Variants in DYNC1I1 observed in about 807,000 individuals in gnomAD.
The protein encoded by DYNC1I1 is cytoplasmic dynein 1 intermediate chain 1.
A neutral mutation model predicts 86.6 loss-of-function variants in DYNC1I1; 43 were observed. The ratio of observed to expected loss-of-function variants is 0.50; its 90% CI spans 0.39 to 0.64. DYNC1I1 has a LOEUF of 0.64. Among genes scored for constraint, DYNC1I1 ranks in the 30% least tolerant of loss-of-function variants. DYNC1I1 has a pLI of 0.00. For missense variants in DYNC1I1, 604 were observed against 788.8 expected, an observed-to-expected ratio of 0.77 and a Z score of 2.81; for synonymous variants, 262 against 283.7, an observed-to-expected ratio of 0.92 and a Z score of 0.77.
intron 5 of DYNC1I1, among the ~76,000 whole-genome samples, chr7:95,849,544 T>C (rs1020168932): frequency 4.6e-5 from 7 of 151,880 alleles, no homozygotes; most frequent in Non-Finnish European, 8.8e-5. Flanking sequence ...GTAGATTTAT[T>C]TGTGGGCTCT....
At chr7:96,035,896 G>A in intron 13 of DYNC1I1, 144 bp downstream of exon 13, 1 of 1,350,804 alleles carries the variant, frequency 7.4e-7, no homozygotes, top group Middle Eastern at 2.1e-4. Flanking sequence ...TTATCTTAAA[G>A]AGCTGCATCT....
intron 11 of DYNC1I1, among the ~76,000 whole-genome samples, chr7:96,031,458 C>G (rs1794805276): frequency 6.6e-6 from 1 of 152,120 alleles, no homozygotes; most frequent in Non-Finnish European, 1.5e-5. Flanking sequence ...TCTCCTTGAA[C>G]TTTCTTTATC....
intron 6 of DYNC1I1, among the ~76,000 whole-genome samples, chr7:95,941,732 A>G (rs533692753): frequency 6.6e-6 from 1 of 152,294 alleles, no homozygotes; most frequent in South Asian, 2.1e-4. Context: ...AGGAAAGGGA[A>G]CTTCCTGACC....
chr7:95,897,187 A>G (rs1790904152), intron 6 of DYNC1I1, among the ~76,000 whole-genome samples: 1 of 152,326 alleles, frequency 6.6e-6, no homozygotes, highest in Admixed American at 6.5e-5. Flanking sequence ...GGTCATTAAC[A>G]TCTATCCCCA....
chr7:95,993,624 A>G (rs905776487), intron 9 of DYNC1I1, among the ~76,000 whole-genome samples: 56 of 152,202 alleles, frequency 3.7e-4, no homozygotes, highest in African/African-American at 1.3e-3. Flanking sequence ...TTTTTAATAA[A>G]GAATGATTAC....
intron 6 of DYNC1I1, among the ~76,000 whole-genome samples, chr7:95,898,104 A>C (rs1562937481): frequency 2.6e-5 from 4 of 152,124 alleles, no homozygotes; most frequent in African/African-American, 9.7e-5. Context: ...GATTGCTGGG[A>C]ATTATTCTCT....
intron 10 of DYNC1I1, among the ~76,000 whole-genome samples, chr7:96,002,179 A>G (rs1794028366): frequency 6.6e-6 from 1 of 152,038 alleles, no homozygotes; most frequent in Non-Finnish European, 1.5e-5. Context: ...CCCAACCCCA[A>G]CCATGCTTAA....
chr7:95,963,127 C>T (rs569978024), intron 6 of DYNC1I1, among the ~76,000 whole-genome samples: 58 of 152,240 alleles, frequency 3.8e-4, no homozygotes, highest in African/African-American at 1.3e-3. Flanking sequence ...CTCCTCTCTA[C>T]GTCCTTATTT....
At chr7:96,053,999 C>T (rs971195190) in intron 14 of DYNC1I1, among the ~76,000 whole-genome samples, 2 of 152,012 alleles carry the variant, frequency 1.3e-5, no homozygotes, top group African/African-American at 2.4e-5. Context: ...TATTATACTT[C>T]TGGGATACAT....
chr7:95,826,366 CAAAG>C (rs1795203199), intron 4 of DYNC1I1, among the ~76,000 whole-genome samples: 1 of 152,026 alleles, frequency 6.6e-6, no homozygotes, highest in Middle Eastern at 3.2e-3. Flanking sequence ...GGCATTGACT[CAAAG>C]AAACATTAAG....
chr7:95,929,733 ATTAAATTTTCTACAAATG>A (rs1215693524), intron 6 of DYNC1I1, among the ~76,000 whole-genome samples: 1 of 152,254 alleles, frequency 6.6e-6, no homozygotes, highest in Non-Finnish European at 1.5e-5. Context: ...TATGCCCCTT[ATTAAATTTTCTACAAATG>A]TCATCATATG....
chr7:95,800,422 G>C (rs1367042531), intron 1 of DYNC1I1, among the ~76,000 whole-genome samples: 1 of 152,096 alleles, frequency 6.6e-6, no homozygotes, highest in Non-Finnish European at 1.5e-5. Context: ...GGGGTGGAGG[G>C]AGATAAGATG....
At chr7:96,103,901 C>T (rs1364139216) in intron 16 of DYNC1I1, among the ~76,000 whole-genome samples, 6 of 152,130 alleles carry the variant, frequency 3.9e-5, no homozygotes, top group East Asian at 1.9e-4. Flanking sequence ...CGTGAGCCAC[C>T]GCACCAGGCC....
At chr7:96,091,661 TTTAAAA>T (rs1255377056) in intron 16 of DYNC1I1, among the ~76,000 whole-genome samples, 5 of 152,342 alleles carry the variant, frequency 3.3e-5, no homozygotes, top group Admixed American at 1.3e-4. Context: ...AATGCAGCTA[TTTAAAA>T]TTATTATAGC....
At chr7:96,001,561 A>G (rs896589484) in intron 10 of DYNC1I1, among the ~76,000 whole-genome samples, 2 of 152,220 alleles carry the variant, frequency 1.3e-5, no homozygotes, top group African/African-American at 4.8e-5. Context: ...GCAAATACTG[A>G]GCTAAAATGA....
chr7:95,953,674 T>C (rs1792620508), intron 6 of DYNC1I1, among the ~76,000 whole-genome samples: 1 of 152,224 alleles, frequency 6.6e-6, no homozygotes, highest in Admixed American at 6.5e-5. Flanking sequence ...TTTGAATTCA[T>C]GTTAGCAGCG....
chr7:95,821,570 G>A (rs1165533005), intron 4 of DYNC1I1, among the ~76,000 whole-genome samples: 11 of 152,266 alleles, frequency 7.2e-5, no homozygotes, highest in Non-Finnish European at 1.6e-4. Context: ...ACTATGCCAA[G>A]AAGGAGCCAA....
intron 5 of DYNC1I1, among the ~76,000 whole-genome samples, chr7:95,833,671 G>C (rs921059924): frequency 6.6e-6 from 1 of 150,460 alleles, no homozygotes; most frequent in African/African-American, 2.5e-5. Context: ...AGTTCTCCTT[G>C]AAGAGGTCCC....
chr7:96,069,106 A>G (rs1452436404), intron 14 of DYNC1I1, among the ~76,000 whole-genome samples: 1 of 152,142 alleles, frequency 6.6e-6, no homozygotes, highest in Non-Finnish European at 1.5e-5. Flanking sequence ...CCTAATCCTT[A>G]ATACCAATGT....
Sources: allele counts gnomAD v4.1 joint callset (sites outside exome capture counted in the v4.1 genomes callset), GRCh38; gene constraint gnomAD v4.1.1; transcripts MANE v1.5; gene names NCBI Gene and HGNC (gene_info 2026-07-23, HGNC 2026-07-21).